Variants in ZC3H7B observed in about 807,000 individuals in gnomAD.
ZC3H7B encodes the protein zinc finger CCCH-type containing 7B.
A neutral mutation model predicts 116.0 loss-of-function variants in ZC3H7B; 35 were observed. The observed-to-expected ratio is 0.30, with a 90% CI of 0.23 to 0.40. The LOEUF is 0.40. Among genes scored for constraint, ZC3H7B ranks in the 10% least tolerant of loss-of-function variants. ZC3H7B has a pLI of 1.00. For missense variants in ZC3H7B, 1,011 were observed against 1,321.5 expected (o/e 0.77, Z 3.64); for synonymous variants, 502 against 545.6 (o/e 0.92, Z 1.11).
intron 6 of ZC3H7B, 88 bp downstream of exon 6, chr22:41,330,191 G>A: frequency 7.1e-7 from 1 of 1,412,002 alleles, no homozygotes; most frequent in South Asian, 1.2e-5. Flanking sequence ...AGGTGGGTGA[G>A]GGTGGCCAGG....
rs577578008 is a variant in ZC3H7B at position 41,307,525 on chromosome 22, A to T, written c.-7+5753A>T. Among the ~76,000 whole-genome samples the T allele has an allele frequency of 8.3e-4, 127 of 152,310 alleles. 5 individuals are homozygous for T. The South Asian group carries it at 0.026, about 31-fold the overall frequency. On this transcript the variant is annotated intron_variant, in intron 1 of 22. Coordinates refer to ENST00000352645, the MANE Select transcript of ZC3H7B (RefSeq NM_017590.6). ...CTTGTTCCCTTCAGAAACATCTGGT[A>T]ACTTCAGTTCTGCAGCATCACAGCT...
rs1443712881 is a variant in ZC3H7B, at chr22:41,355,990, T to C, written c.2311T>C (p.Tyr771His). 1.4e-5 allele frequency: 22 copies of C among 1,566,162 alleles called. No homozygotes were observed. The highest frequency in any genetic ancestry group is 1.9e-5 in the Non-Finnish European group (22 of 1,156,798). ...IHAQNGRKCQ[Y>H]VGNCSFAHSP... The stretch of plus-strand genomic sequence containing the variant: ...TGCACAGAACGGCCGCAAGTGCCAA[T>C]ATGTGGGGAACTGCTCCTTCGCACA... The change falls in exon 20 of 23, where the codon TAT becomes CAT. Residue 771 changes from tyrosine to histidine, a missense_variant. Coordinates refer to ENST00000352645, the MANE Select transcript of ZC3H7B (RefSeq NM_017590.6).
In ZC3H7B at chr22:41,349,047, G is replaced by T; in HGVS notation, c.1767-73G>T. The stretch of plus-strand genomic sequence containing the variant: ...CCAGGGAGAGCCTGGCACTGGGAAG[G>T]TGGCCCTACCAGGAGAGAAGGTCAG... On this transcript the variant is annotated intron_variant, in intron 15 of 22. Transcript: ENST00000352645. This position sits in a 1 kb window ranked among gnomAD's most constrained non-coding sequence, Gnocchi z 4.9. 6.6e-7 allele frequency: 1 copy of T among 1,509,360 alleles called. No homozygotes were observed. The highest frequency in any genetic ancestry group is 9.0e-7 in the Non-Finnish European group (1 of 1,110,878). The allele number at this position is 1,509,360 out of a possible 1,614,324, so 93.5% of individuals were successfully genotyped here. A position where few individuals can be genotyped will look rare whatever the true frequency, so the allele number is the denominator to read the frequency against.
Position 41,357,496 on chromosome 22 carries a change from G to A in ZC3H7B, c.*67G>A, listed in dbSNP as rs1482511906. On this transcript the variant is annotated 3_prime_UTR_variant, in exon 23 of 23. Coordinates refer to ENST00000352645, the MANE Select transcript of ZC3H7B (RefSeq NM_017590.6). The surrounding 1 kb of genome is among the most constrained non-coding windows in gnomAD (Gnocchi z 5.4). ...TGGGGTGGGGCCAGAAGGCCTGATA[G>A]AAGGGTCAGGGCAGGCCAGGGGGGT... The A allele has an allele frequency of 1.8e-6, 2 of 1,093,164 alleles. No homozygotes were observed. Among genetic ancestry groups the A allele is most frequent in the Non-Finnish European group, 2.6e-6 (2 of 763,250 alleles). 67.7% of individuals were successfully genotyped at this position (1,093,164 alleles called of 1,614,324 possible). A position where few individuals can be genotyped will look rare whatever the true frequency, so the allele number is the denominator to read the frequency against.
At chr22:41,341,600 G>A (rs374163662) in intron 11 of ZC3H7B, among the ~76,000 whole-genome samples, 157 of 151,848 alleles carry the variant, frequency 1.0e-3, no homozygotes, top group African/African-American at 3.6e-3. Flanking sequence ...AAAATTAGCC[G>A]GGTGTGGTGG....
At chr22:41,301,991 G>T (rs1295725584) in intron 1 of ZC3H7B, among the ~76,000 whole-genome samples, 1 of 152,118 alleles carries the variant, frequency 6.6e-6, no homozygotes, top group Non-Finnish European at 1.5e-5. Context: ...TCCTTTTTGG[G>T]GATCCCGGTC....
At chr22:41,344,320 G>C (rs2036559268) in intron 13 of ZC3H7B, among the ~76,000 whole-genome samples, 1 of 152,176 alleles carries the variant, frequency 6.6e-6, no homozygotes, top group South Asian at 2.1e-4. Flanking sequence ...CCAGCAGCCA[G>C]GCTGGTCTAA....
rs566805893 is a variant in ZC3H7B at position 41,322,091 on chromosome 22, G to T, written c.53+1378G>T. Among the ~76,000 whole-genome samples, 170 of 150,392 alleles carry T rather than the reference G, an allele frequency of 1.1e-3. 1 individual carries two copies. Among genetic ancestry groups the T allele is most frequent in the Middle Eastern group, 6.9e-3 (2 of 288 alleles). ...CCTGACCTCGTGATCCGCCCGCCTCGGCCTCCCAAAGTGCTGGGATTACAG... is the reference window on the plus strand; with the variant it reads ...CCTGACCTCGTGATCCGCCCGCCTCTGCCTCCCAAAGTGCTGGGATTACAG... On this transcript the variant is annotated intron_variant, in intron 2 of 22. Transcript: ENST00000352645.
At chr22:41,321,422 G>A (rs2036254920) in intron 2 of ZC3H7B, among the ~76,000 whole-genome samples, 1 of 152,002 alleles carries the variant, frequency 6.6e-6, no homozygotes, top group Non-Finnish European at 1.5e-5. Context: ...TGCCATGTTG[G>A]CCAGGCTGCC....
chr22:41,326,494 A>C (rs967157863), intron 4 of ZC3H7B, among the ~76,000 whole-genome samples: 1 of 144,368 alleles, frequency 6.9e-6, no homozygotes, highest in Non-Finnish European at 1.5e-5. Flanking sequence ...CCATAGTCTC[A>C]GCCTCCTCAC....
Position 41,349,934 on chromosome 22 carries a change from G to A in ZC3H7B, c.1948+633G>A, listed in dbSNP as rs538377092. Among the ~76,000 whole-genome samples, 10 of 152,324 alleles carry A rather than the reference G, an allele frequency of 6.6e-5. No individual in the cohort carries two copies. In the South Asian group the frequency reaches 2.1e-3, roughly 32 times the overall value. On this transcript the variant is annotated intron_variant, in intron 16 of 22. Transcript: ENST00000352645. The surrounding 1 kb of genome is among the most constrained non-coding windows in gnomAD (Gnocchi z 4.9). ...ACTGCCTGTCATCATTTAATTAGCA[G>A]CATTTTGTGGGGCGGGGATTTAAAA...
At chr22:41,311,000 C>T (rs1335267307) in intron 1 of ZC3H7B, among the ~76,000 whole-genome samples, 3 of 151,112 alleles carry the variant, frequency 2.0e-5, no homozygotes, top group African/African-American at 4.9e-5. Flanking sequence ...CTCCTGACCT[C>T]GTGATCTGCC....
chr22:41,352,572 C>T (rs1416927131), intron 17 of ZC3H7B, among the ~76,000 whole-genome samples: 1 of 152,050 alleles, frequency 6.6e-6, no homozygotes, highest in Non-Finnish European at 1.5e-5. Context: ...ACCAGCGTGT[C>T]CAACATAGTG....
At chr22:41,307,360 C>T (rs2036057323) in intron 1 of ZC3H7B, among the ~76,000 whole-genome samples, 1 of 152,206 alleles carries the variant, frequency 6.6e-6, no homozygotes, top group South Asian at 2.1e-4. Context: ...CAGATTCCTT[C>T]TCACCAAATT....
chr22:41,321,701 T>G (rs935114164), intron 2 of ZC3H7B, among the ~76,000 whole-genome samples: 3 of 152,120 alleles, frequency 2.0e-5, no homozygotes, highest in African/African-American at 7.2e-5. Flanking sequence ...TAGGTAGCCT[T>G]ATTTCCATTT....
chr22:41,350,103 TG>T (rs2036638006), intron 16 of ZC3H7B, among the ~76,000 whole-genome samples: 1 of 152,064 alleles, frequency 6.6e-6, no homozygotes, highest in South Asian at 2.1e-4. Flanking sequence ...TTAGGTAAGA[TG>T]GCTGGGAAGG....
chr22:41,338,855 G>A lies in ZC3H7B; in HGVS notation c.626-146G>A, dbSNP rs2036478839. Reference sequence around the variant, plus strand: ...GACCACCCCCTGAGCATCTGCCAGTGGGATCAGCCGATGGGGAAGGCAGGG... The same window carrying A: ...GACCACCCCCTGAGCATCTGCCAGTAGGATCAGCCGATGGGGAAGGCAGGG... On this transcript the variant is annotated intron_variant, in intron 8 of 22. Transcript: ENST00000352645. This position sits in a 1 kb window ranked among gnomAD's most constrained non-coding sequence, Gnocchi z 4.5. 4 of 923,650 alleles carry A rather than the reference G, an allele frequency of 4.3e-6. No individual in the cohort carries two copies. Among genetic ancestry groups the A allele is most frequent in the Non-Finnish European group, 4.8e-6 (3 of 629,630 alleles). The allele number at this position is 923,650 out of a possible 1,614,324, so 57.2% of individuals were successfully genotyped here. A position where few individuals can be genotyped will look rare whatever the true frequency, so the allele number is the denominator to read the frequency against.
intron 7 of ZC3H7B, among the ~76,000 whole-genome samples, chr22:41,337,025 A>G (rs1191352103): frequency 6.6e-6 from 1 of 152,162 alleles, no homozygotes; most frequent in Non-Finnish European, 1.5e-5. Flanking sequence ...AATCCCAGCT[A>G]CTTGGGAGGC....
chr22:41,348,315 C>T (rs1367012833), intron 15 of ZC3H7B, 148 bp downstream of exon 15: 8 of 655,286 alleles, frequency 1.2e-5, no homozygotes, highest in African/African-American at 1.8e-5. Context: ...ATCCAGCCTC[C>T]ACCTGGAAAG....
Sources: gnomAD v4.1 joint callset for allele counts (sites outside exome capture counted in the v4.1 genomes callset) on GRCh38, gnomAD v4.1.1 for gene constraint, Gnocchi (gnomAD v3.1) non-coding constraint, MANE v1.5 for transcripts, NCBI Gene and HGNC (gene_info 2026-07-23, HGNC 2026-07-21) for gene names.